GPC6: variants seen among roughly 807,000 people sequenced by gnomAD.
GPC6 encodes glypican 6, also known as glypican-6.
In GPC6, 14 loss-of-function variants were observed where a neutral mutation model predicts 55.2. The observed-to-expected ratio is 0.25, with a 90% CI of 0.17 to 0.40. GPC6 has a LOEUF of 0.40. Ranked by LOEUF, GPC6 falls within the 10% of genes least tolerant of loss-of-function variation. The pLI, the probability that GPC6 is intolerant of heterozygous loss-of-function variation, is 1.00. For synonymous variants in GPC6, 278 were observed against 259.6 expected, an observed-to-expected ratio of 1.07 and a Z score of -0.68; for missense variants, 641 against 708.5, an observed-to-expected ratio of 0.90 and a Z score of 1.08.
At chr13:93,608,087 C>T (rs1266809546) in intron 2 of GPC6, among the ~76,000 whole-genome samples, 1 of 152,058 alleles carries the variant, frequency 6.6e-6, no homozygotes, top group Non-Finnish European at 1.5e-5. Context: ...TTACAATTTT[C>T]AATGAGCTTG....
At chr13:93,373,600 G>A (rs777008626) in intron 1 of GPC6, among the ~76,000 whole-genome samples, 42 of 152,234 alleles carry the variant, frequency 2.8e-4, no homozygotes, top group Admixed American at 2.1e-3. Context: ...TTAGATTAGT[G>A]TGTCGTCTGT....
rs117817265 is a variant in GPC6, at chr13:93,982,180, G to C, written c.712-45549G>C. The stretch of plus-strand genomic sequence containing the variant: ...CCTATGGTCTTCTAAAAGCTAAACA[G>C]AACAAGACTTTCCAACAGAGAAAAT... On this transcript the variant is annotated intron_variant, in intron 3 of 8. Coordinates refer to ENST00000377047, the MANE Select transcript of GPC6 (RefSeq NM_005708.5). Among the ~76,000 whole-genome samples, 239 of 152,194 alleles carry C rather than the reference G, an allele frequency of 1.6e-3. 11 individuals carry two copies. The East Asian group carries it at 0.041, about 26-fold the overall frequency.
intron 2 of GPC6, among the ~76,000 whole-genome samples, chr13:93,764,085 T>C (rs1297968607): frequency 6.6e-6 from 1 of 152,118 alleles, no homozygotes; most frequent in African/African-American, 2.4e-5. Context: ...AGCCCAACTA[T>C]CCCACTTTCT....
At chr13:93,249,125 A>G (rs1370896414) in intron 1 of GPC6, among the ~76,000 whole-genome samples, 1 of 152,210 alleles carries the variant, frequency 6.6e-6, no homozygotes, top group Non-Finnish European at 1.5e-5. Flanking sequence ...AGAAAGTATT[A>G]TCAGTGCCAT....
intron 4 of GPC6, among the ~76,000 whole-genome samples, chr13:94,285,991 T>A (rs1892519981): frequency 6.6e-6 from 1 of 152,122 alleles, no homozygotes; most frequent in Admixed American, 6.5e-5. Flanking sequence ...TATTCTCAGT[T>A]TTCCCCAGAC....
intron 1 of GPC6, among the ~76,000 whole-genome samples, chr13:93,249,858 G>C (rs1019140903): frequency 7.9e-5 from 12 of 152,302 alleles, no homozygotes; most frequent in Admixed American, 6.5e-4. Context: ...AAGGCATATA[G>C]TTCCTTTTTC....
chr13:94,224,710 T>G (rs185334383), intron 4 of GPC6, among the ~76,000 whole-genome samples: 102 of 152,210 alleles, frequency 6.7e-4, no homozygotes, highest in African/African-American at 2.3e-3. Context: ...TGCTAAAGCT[T>G]GGCTAACTTT....
At chr13:93,678,450 A>C (rs1164571944) in intron 2 of GPC6, among the ~76,000 whole-genome samples, 2 of 152,158 alleles carry the variant, frequency 1.3e-5, no homozygotes, top group African/African-American at 2.4e-5. Flanking sequence ...AACACCTGCT[A>C]TGTTTGTGAA....
At chr13:94,187,141 G>A (rs1485379543) in intron 4 of GPC6, 1 of 152,094 alleles carries the variant, frequency 6.6e-6, no homozygotes, top group Non-Finnish European at 1.5e-5. Context: ...AAAGAGCCCA[G>A]GAAGAAAGTT....
chr13:93,474,271 A>G (rs965218446), intron 1 of GPC6, among the ~76,000 whole-genome samples: 33 of 152,164 alleles, frequency 2.2e-4, no homozygotes, highest in Non-Finnish European at 3.5e-4. Context: ...GTCCAACTTG[A>G]GTCCTGGGTG....
chr13:93,685,583 AT>A (rs1277386972), intron 2 of GPC6, among the ~76,000 whole-genome samples: 3 of 152,166 alleles, frequency 2.0e-5, no homozygotes, highest in African/African-American at 7.2e-5. Flanking sequence ...ACATTACTCT[AT>A]TTCATGTGCT....
intron 4 of GPC6, among the ~76,000 whole-genome samples, chr13:94,117,952 A>G (rs1886490662): frequency 6.6e-6 from 1 of 152,130 alleles, no homozygotes; most frequent in South Asian, 2.1e-4. Context: ...ACTTTTTGAA[A>G]TGAAGGTTGT....
At chr13:93,309,877 G>C (rs959396881) in intron 1 of GPC6, among the ~76,000 whole-genome samples, 1 of 152,132 alleles carries the variant, frequency 6.6e-6, no homozygotes, top group Non-Finnish European at 1.5e-5. Context: ...GTTGATACTT[G>C]TTGTACCTTC....
chr13:93,466,105 G>A (rs1878893875), intron 1 of GPC6, among the ~76,000 whole-genome samples: 2 of 152,202 alleles, frequency 1.3e-5, no homozygotes, highest in African/African-American at 4.8e-5. Flanking sequence ...TTGAAATATT[G>A]GGAGAATTAA....
intron 4 of GPC6, among the ~76,000 whole-genome samples, chr13:94,178,199 A>G (rs566685977): frequency 1.3e-5 from 2 of 152,016 alleles, no homozygotes; most frequent in East Asian, 1.9e-4. Flanking sequence ...GGGTTTCACT[A>G]TGTTGGCCAG....
intron 1 of GPC6, among the ~76,000 whole-genome samples, chr13:93,525,036 A>G (rs984665273): frequency 1.3e-5 from 2 of 152,082 alleles, no homozygotes; most frequent in African/African-American, 2.4e-5. Flanking sequence ...ACTCTAATGG[A>G]AGCTGTAGAC....
intron 1 of GPC6, among the ~76,000 whole-genome samples, chr13:93,249,226 C>T (rs1191627442): frequency 1.3e-5 from 2 of 152,156 alleles, no homozygotes; most frequent in Non-Finnish European, 2.9e-5. Flanking sequence ...TTAATAGGGG[C>T]CCCCATTTGG....
At chr13:93,331,377 G>T (rs1879837402) in intron 1 of GPC6, among the ~76,000 whole-genome samples, 1 of 152,058 alleles carries the variant, frequency 6.6e-6, no homozygotes, top group Admixed American at 6.5e-5. Flanking sequence ...TATATTTCTA[G>T]ATACGTGTTT....
At chr13:94,161,255 A>G (rs1888153183) in intron 4 of GPC6, among the ~76,000 whole-genome samples, 1 of 151,266 alleles carries the variant, frequency 6.6e-6, no homozygotes, top group Admixed American at 6.6e-5. Context: ...CAAATGAAGC[A>G]GATGCATCCA....
Sources: allele counts gnomAD v4.1 joint callset (sites outside exome capture counted in the v4.1 genomes callset), GRCh38; gene constraint gnomAD v4.1.1; transcripts MANE v1.5; gene names NCBI Gene and HGNC (gene_info 2026-07-23, HGNC 2026-07-21).